The following GALNTL6 variants were observed in gnomAD, a reference collection of about 807,000 sequenced individuals.
GALNTL6 encodes polypeptide N-acetylgalactosaminyltransferase-like 6.
GALNTL6 carries 46 observed loss-of-function variants against 73.7 expected under a neutral mutation model. The observed-to-expected ratio is 0.62, with a 90% CI of 0.49 to 0.80. The LOEUF is 0.80. GALNTL6 is among the 30% of genes least tolerant of loss of function. The probability of loss-of-function intolerance (pLI) is 0.00; values close to 1 mark genes in which losing one functional copy is unlikely to be tolerated. For missense variants in GALNTL6, 604 were observed against 755.0 expected, an observed-to-expected ratio of 0.80 and a Z score of 2.34; for synonymous variants, 259 against 263.7, an observed-to-expected ratio of 0.98 and a Z score of 0.17.
At chr4:172,276,368 A>G (rs1738833341) in intron 3 of GALNTL6, among the ~76,000 whole-genome samples, 1 of 152,240 alleles carries the variant, frequency 6.6e-6, no homozygotes, top group African/African-American at 2.4e-5. Flanking sequence ...AGGTCTTGGT[A>G]GCATTGTAAG....
chr4:172,079,073 CTATATT>C (rs986757977), intron 2 of GALNTL6, among the ~76,000 whole-genome samples: 18 of 152,156 alleles, frequency 1.2e-4, no homozygotes, highest in African/African-American at 4.1e-4. Context: ...AAATATGTAT[CTATATT>C]TATGTTTTTA....
chr4:172,464,073 C>A (rs1732713400), intron 5 of GALNTL6, among the ~76,000 whole-genome samples: 1 of 151,934 alleles, frequency 6.6e-6, no homozygotes, highest in African/African-American at 2.4e-5. Flanking sequence ...CCTTTTATGG[C>A]ATTTTTTATA....
At chr4:172,793,468 C>A (rs138626625) in intron 5 of GALNTL6, among the ~76,000 whole-genome samples, 1 of 152,128 alleles carries the variant, frequency 6.6e-6, no homozygotes, top group Non-Finnish European at 1.5e-5. Context: ...AATTGCAGCA[C>A]GCCAACTCAC....
At chr4:172,339,436 G>T (rs1741479439) in intron 4 of GALNTL6, among the ~76,000 whole-genome samples, 1 of 152,150 alleles carries the variant, frequency 6.6e-6, no homozygotes, top group South Asian at 2.1e-4. Flanking sequence ...TACTCCTGGG[G>T]CACTTTCTAC....
At chr4:172,364,427 C>T (rs1351926268) in intron 5 of GALNTL6, among the ~76,000 whole-genome samples, 1 of 151,880 alleles carries the variant, frequency 6.6e-6, no homozygotes, top group African/African-American at 2.4e-5. Context: ...CTAAAACAAA[C>T]AAATTAAACA....
chr4:172,739,112 G>T (rs1472136263), intron 5 of GALNTL6, among the ~76,000 whole-genome samples: 1 of 152,304 alleles, frequency 6.6e-6, no homozygotes. Flanking sequence ...GCTTGAAACA[G>T]TGTTTCAGGT....
At chr4:172,817,553 G>T (rs978855930) in intron 7 of GALNTL6, among the ~76,000 whole-genome samples, 1 of 152,142 alleles carries the variant, frequency 6.6e-6, no homozygotes, top group Non-Finnish European at 1.5e-5. Flanking sequence ...GTTATTCATG[G>T]CTTTTAGAAG....
intron 2 of GALNTL6, among the ~76,000 whole-genome samples, chr4:171,853,012 ATTTT>A (rs765984611): frequency 6.9e-5 from 6 of 86,834 alleles, no homozygotes; most frequent in South Asian, 5.1e-4. Context: ...CGCCCGGCTA[ATTTT>A]TTTTTTTTTT....
chr4:171,971,738 T>C (rs774942951), intron 2 of GALNTL6, among the ~76,000 whole-genome samples: 5 of 152,168 alleles, frequency 3.3e-5, no homozygotes, highest in African/African-American at 4.8e-5. Context: ...TATAAAAAAA[T>C]ATAGGATTTT....
chr4:172,430,639 TA>T (rs1376490146), intron 5 of GALNTL6, among the ~76,000 whole-genome samples: 1 of 151,676 alleles, frequency 6.6e-6, no homozygotes, highest in African/African-American at 2.4e-5. Context: ...TACCAAAAAT[TA>T]AAAAAAATAA....
intron 2 of GALNTL6, among the ~76,000 whole-genome samples, chr4:172,177,861 A>ACATATATGTG (rs1387400883): frequency 6.8e-6 from 1 of 147,904 alleles, no homozygotes; most frequent in Non-Finnish European, 1.5e-5. Context: ...ATATACACAC[A>ACATATATGTG]TACTAAGGCA....
intron 5 of GALNTL6, among the ~76,000 whole-genome samples, chr4:172,794,652 A>G (rs1440406675): frequency 6.6e-6 from 1 of 152,090 alleles, no homozygotes; most frequent in Non-Finnish European, 1.5e-5. Context: ...CTTGTTTATG[A>G]CCCCAGCCTT....
At chr4:172,220,835 T>C (rs1007329571) in intron 2 of GALNTL6, among the ~76,000 whole-genome samples, 1 of 151,864 alleles carries the variant, frequency 6.6e-6, no homozygotes, top group African/African-American at 2.4e-5. Flanking sequence ...AAGACCTAAT[T>C]GAAGACAATG....
chr4:172,049,213 G>A (rs181048292), intron 2 of GALNTL6, among the ~76,000 whole-genome samples: 1 of 149,730 alleles, frequency 6.7e-6, no homozygotes, highest in Non-Finnish European at 1.5e-5. Flanking sequence ...GTAAAATACT[G>A]AGACTTCATG....
At position 172,844,724 on chromosome 4, in the gene GALNTL6, T is replaced by A. The variant is rs577694959; in HGVS notation, c.923+31001T>A. ...ATGTCAGTTAAACAGATGCGCAGTG[T>A]GACAGTGTTCTCAGGGTAGGTGCCA... is the stretch of plus-strand genomic sequence containing the variant. On this transcript the variant is annotated intron_variant, in intron 7 of 12. Coordinates refer to ENST00000506823, the MANE Select transcript of GALNTL6 (RefSeq NM_001034845.3). 2.2e-4 allele frequency among the ~76,000 whole-genome samples: 34 copies of A among 152,300 alleles called. No individual in the cohort carries two copies. The East Asian group carries it at 6.0e-3, about 27-fold the overall frequency.
intron 5 of GALNTL6, among the ~76,000 whole-genome samples, chr4:172,502,131 C>A (rs928331524): frequency 1.3e-5 from 2 of 152,124 alleles, no homozygotes; most frequent in Non-Finnish European, 2.9e-5. Flanking sequence ...TTTACACTAT[C>A]GACTTGGTAA....
intron 3 of GALNTL6, among the ~76,000 whole-genome samples, chr4:172,257,281 T>G (rs1335248227): frequency 6.6e-6 from 1 of 151,352 alleles, no homozygotes; most frequent in Non-Finnish European, 1.5e-5. Context: ...GTAAATATAG[T>G]GCTATCTCCC....
intron 5 of GALNTL6, among the ~76,000 whole-genome samples, chr4:172,386,100 G>C (rs908391654): frequency 6.6e-6 from 1 of 152,004 alleles, no homozygotes; most frequent in Non-Finnish European, 1.5e-5. Context: ...ATTATAAGCT[G>C]AAAAACACAG....
chr4:172,367,188 CA>C (rs1180663635), intron 5 of GALNTL6, among the ~76,000 whole-genome samples: 1 of 152,070 alleles, frequency 6.6e-6, no homozygotes, highest in Non-Finnish European at 1.5e-5. Flanking sequence ...TTCACATAGG[CA>C]TCACGCGTTT....
Sources: gnomAD v4.1 joint callset for allele counts (sites outside exome capture counted in the v4.1 genomes callset) on GRCh38, gnomAD v4.1.1 for gene constraint, MANE v1.5 for transcripts, NCBI Gene and HGNC (gene_info 2026-07-23, HGNC 2026-07-21) for gene names.